The following TAFA5 variants were observed in gnomAD, a reference collection of about 807,000 sequenced individuals.
TAFA5 encodes chemokine-like protein TAFA-5.
A neutral mutation model predicts 15.3 loss-of-function variants in TAFA5; 6 were observed. That is an observed-to-expected ratio of 0.39 (90% CI 0.21 to 0.77). The LOEUF (loss-of-function observed/expected upper bound fraction) is 0.77, where lower values mean the gene tolerates loss of function less well. Among genes scored for constraint, TAFA5 ranks in the 30% least tolerant of loss-of-function variants. The pLI is 0.41. For synonymous variants in TAFA5, 103 were observed against 80.7 expected (o/e 1.28, Z -1.48); for missense variants, 161 against 193.1 (o/e 0.83, Z 0.98).
intron 1 of TAFA5, among the ~76,000 whole-genome samples, chr22:48,637,575 T>A (rs902511003): frequency 6.6e-6 from 1 of 152,196 alleles, no homozygotes; most frequent in African/African-American, 2.4e-5. Context: ...CCTGTGGTCA[T>A]GAGGCGGCCT....
At chr22:48,694,230 C>T (rs369222311) in intron 2 of TAFA5, among the ~76,000 whole-genome samples, 7 of 152,208 alleles carry the variant, frequency 4.6e-5, no homozygotes, top group African/African-American at 1.7e-4. Flanking sequence ...GCATACCAGT[C>T]CCTGGGAGGA....
At chr22:48,551,998 T>C (rs1922873124) in intron 1 of TAFA5, among the ~76,000 whole-genome samples, 1 of 152,198 alleles carries the variant, frequency 6.6e-6, no homozygotes, top group African/African-American at 2.4e-5. Flanking sequence ...AAGGCAGTGC[T>C]GGCCCCACGC....
At chr22:48,507,987 C>T (rs1029185711) in intron 1 of TAFA5, among the ~76,000 whole-genome samples, 3 of 152,140 alleles carry the variant, frequency 2.0e-5, no homozygotes, top group Non-Finnish European at 4.4e-5. Flanking sequence ...TCGCCCAGCC[C>T]CTAGAGCCGC....
chr22:48,697,608 G>A (rs111073976), intron 2 of TAFA5, among the ~76,000 whole-genome samples: 90 of 137,388 alleles, frequency 6.6e-4, no homozygotes, highest in Non-Finnish European at 1.1e-3. Flanking sequence ...GATGGTGGTG[G>A]TGATGATGGT....
chr22:48,547,448 T>C (rs1922715178), intron 1 of TAFA5: 1 of 152,176 alleles, frequency 6.6e-6, no homozygotes, highest in Admixed American at 6.5e-5. Context: ...CCTTTGTTTG[T>C]GATGTCACAT....
At chr22:48,696,110 G>C (rs73175164) in intron 2 of TAFA5, among the ~76,000 whole-genome samples, 25 of 152,070 alleles carry the variant, frequency 1.6e-4, no homozygotes, top group Non-Finnish European at 3.4e-4. Flanking sequence ...TCCCAGTCTC[G>C]GGGTTCGATG....
At chr22:48,651,828 G>C (rs1207437363) in intron 2 of TAFA5, among the ~76,000 whole-genome samples, 1 of 152,182 alleles carries the variant, frequency 6.6e-6, no homozygotes, top group Non-Finnish European at 1.5e-5. Flanking sequence ...CGGTGCGGGA[G>C]GGTGGAGGGT....
chr22:48,581,366 G>C (rs1341994575), intron 1 of TAFA5, among the ~76,000 whole-genome samples: 2 of 152,208 alleles, frequency 1.3e-5, no homozygotes, highest in Non-Finnish European at 2.9e-5. Context: ...CTGCACACTC[G>C]GGAGGATTGG....
intron 1 of TAFA5, among the ~76,000 whole-genome samples, chr22:48,572,918 G>A (rs1246977874): frequency 6.6e-6 from 1 of 152,210 alleles, no homozygotes; most frequent in African/African-American, 2.4e-5. Flanking sequence ...TATGGCTGAA[G>A]TATTGTGTTT....
intron 3 of TAFA5, among the ~76,000 whole-genome samples, chr22:48,723,074 C>T (rs758507815): frequency 1.3e-5 from 2 of 152,168 alleles, no homozygotes; most frequent in Non-Finnish European, 2.9e-5. Context: ...GCCCCAGGTT[C>T]CCATCATGAC....
rs554653980 is a variant in TAFA5 at position 48,615,671 on chromosome 22, C to T, written c.113-30926C>T. Among the ~76,000 whole-genome samples the T allele has an allele frequency of 4.5e-4, 68 of 152,210 alleles. 1 individual carries two copies. Among genetic ancestry groups the T allele is most frequent in the Non-Finnish European group, 8.1e-4 (55 of 68,032 alleles). ...ATGAAGGGCACTCTCTAGACTGTTC[C>T]TGGGGTTCACAGTCCTGGCCCCCGC... is the stretch of plus-strand genomic sequence containing the variant. On this transcript the variant is annotated intron_variant, in intron 1 of 3. Transcript: ENST00000402357.
At chr22:48,723,065 C>A (rs1384450894) in intron 3 of TAFA5, among the ~76,000 whole-genome samples, 3 of 152,168 alleles carry the variant, frequency 2.0e-5, no homozygotes, top group Non-Finnish European at 4.4e-5. Context: ...GTCCCCTGAG[C>A]CCCAGGTTCC....
intron 3 of TAFA5, among the ~76,000 whole-genome samples, chr22:48,730,189 C>T (rs756248353): frequency 6.6e-6 from 1 of 152,142 alleles, no homozygotes; most frequent in Admixed American, 6.6e-5. Context: ...TTGAGACCAT[C>T]CTGGCCAACC....
chr22:48,743,779 C>A (rs972691989), intron 3 of TAFA5, among the ~76,000 whole-genome samples: 1 of 152,216 alleles, frequency 6.6e-6, no homozygotes, highest in African/African-American at 2.4e-5. Context: ...TGCCTGCATT[C>A]GTCTTTGCCG....
At chr22:48,704,624 G>A (rs904420180) in intron 2 of TAFA5, among the ~76,000 whole-genome samples, 2 of 151,900 alleles carry the variant, frequency 1.3e-5, no homozygotes, top group African/African-American at 4.8e-5. Flanking sequence ...GAAGCCGGGG[G>A]GTTCCCTATC....
At chr22:48,571,142 GTCT>G (rs1923567002) in intron 1 of TAFA5, among the ~76,000 whole-genome samples, 1 of 151,992 alleles carries the variant, frequency 6.6e-6, no homozygotes, top group Admixed American at 6.6e-5. Flanking sequence ...AAAATTCTAG[GTCT>G]TCTATCTTTT....
intron 1 of TAFA5, among the ~76,000 whole-genome samples, chr22:48,572,129 C>T (rs760814245): frequency 6.6e-6 from 1 of 152,146 alleles, no homozygotes; most frequent in Non-Finnish European, 1.5e-5. Context: ...TATTTCTGTC[C>T]CCTAAGGTTC....
At chr22:48,548,039 A>C (rs1922735780) in intron 1 of TAFA5, among the ~76,000 whole-genome samples, 1 of 152,178 alleles carries the variant, frequency 6.6e-6, no homozygotes, top group Non-Finnish European at 1.5e-5. Context: ...CGGAGGTCCC[A>C]GGAGTGAGGA....
chr22:48,523,205 G>C (rs1001016952), intron 1 of TAFA5, among the ~76,000 whole-genome samples: 4 of 152,252 alleles, frequency 2.6e-5, no homozygotes, highest in Non-Finnish European at 4.4e-5. Context: ...CTGGAGGCGG[G>C]CTCGGCTTGG....
Sources: gnomAD v4.1 joint callset for allele counts (sites outside exome capture counted in the v4.1 genomes callset) on GRCh38, gnomAD v4.1.1 for gene constraint, MANE v1.5 for transcripts, NCBI Gene and HGNC (gene_info 2026-07-23, HGNC 2026-07-21) for gene names.